Variants in HAO1 observed in about 807,000 individuals in gnomAD.
HAO1 encodes 2-Hydroxyacid oxidase 1.
In HAO1, 34 loss-of-function variants were observed where a neutral mutation model predicts 39.7. The observed-to-expected ratio is 0.86, with a 90% CI of 0.65 to 1.14. The LOEUF (loss-of-function observed/expected upper bound fraction) is 1.14. Among genes scored for constraint, HAO1 ranks in the 50% most tolerant of loss-of-function variants. HAO1 has a pLI of 0.00. For synonymous variants in HAO1, 172 were observed against 173.2 expected (o/e 0.99, Z 0.05); for missense variants, 479 against 464.5 (o/e 1.03, Z -0.29).
At chr20:7,909,293 C>T (rs752655138) in intron 3 of HAO1, among the ~76,000 whole-genome samples, 3 of 148,710 alleles carry the variant, frequency 2.0e-5, no homozygotes, top group Non-Finnish European at 3.0e-5. Context: ...CAGAGACCCA[C>T]GATGGAGTGT....
In HAO1 at chr20:7,920,239, C is replaced by T. The variant is rs544550812; in HGVS notation, c.290-5820G>A. ...TCACTTCACACACAGGATCTCTTAC[C>T]TGCCACCATGTAAGACATACCTGCT... is the stretch of plus-strand genomic sequence containing the variant. On this transcript the variant is annotated intron_variant, in intron 2 of 7. Transcript: ENST00000378789. Among the ~76,000 whole-genome samples the T allele has an allele frequency of 6.6e-5, 10 of 152,178 alleles. No individual in the cohort carries two copies. The South Asian group carries it at 1.2e-3, about 19-fold the overall frequency.
In HAO1 at chr20:7,928,742, G is replaced by A. The variant is rs58912881; in HGVS notation, c.289+5742C>T. The stretch of plus-strand genomic sequence containing the variant: ...TGCCACAGAAATAAAACTAGTTCTC[G>A]GTAAATTTCCACATAAATCAGATGT... On this transcript the variant is annotated intron_variant, in intron 2 of 7. Transcript: ENST00000378789. Among the ~76,000 whole-genome samples the A allele has an allele frequency of 1.0e-2, 1,517 of 152,084 alleles. 25 individuals carry two copies. The highest frequency in any genetic ancestry group is 0.033 in the African/African-American group (1,360 of 41,480).
rs55856286 is a variant in HAO1 at position 7,883,434 on chromosome 20, G to A, written c.*159C>T. 1.6e-6 allele frequency: 1 copy of A among 621,292 alleles called. No homozygotes were observed. Among genetic ancestry groups the A allele is most frequent in the Non-Finnish European group, 2.9e-6 (1 of 346,044 alleles). 38.5% of individuals were successfully genotyped at this position (621,292 alleles called of 1,614,324 possible). A position where few individuals can be genotyped will look rare whatever the true frequency, so the allele number is the denominator to read the frequency against. On this transcript the variant is annotated 3_prime_UTR_variant, in exon 8 of 8. Transcript: ENST00000378789. ...TAGGACACCCATTGAAAAGTCAAAA[G>A]CAATGAAATAAAAGGGATTGCTATT... is the stretch of plus-strand genomic sequence containing the variant.
chr20:7,917,908 C>T (rs1336718956), intron 2 of HAO1, among the ~76,000 whole-genome samples: 4 of 152,156 alleles, frequency 2.6e-5, no homozygotes. Flanking sequence ...AACATTTTAC[C>T]CAAATCACTT....
chr20:7,938,559 T>A (rs1261998486), intron 1 of HAO1, among the ~76,000 whole-genome samples: 1 of 152,194 alleles, frequency 6.6e-6, no homozygotes, highest in African/African-American at 2.4e-5. Flanking sequence ...CTTTTCCAGT[T>A]CATAACTTAG....
Position 7,898,208 on chromosome 20 carries a change from C to A in HAO1, c.722-2984G>T, listed in dbSNP as rs1013689654. 5.3e-5 allele frequency among the ~76,000 whole-genome samples: 8 copies of A among 152,260 alleles called. No homozygotes were observed. The South Asian group carries it at 1.5e-3, about 28-fold the overall frequency. On this transcript the variant is annotated intron_variant, in intron 4 of 7. Coordinates refer to ENST00000378789, the MANE Select transcript of HAO1 (RefSeq NM_017545.3). Reference sequence around the variant, plus strand: ...TATTGATCTTCAGTCAGTCCCCTTGCGTTTCGTCTTCACTACCCTCTCTGC... The same window carrying A: ...TATTGATCTTCAGTCAGTCCCCTTGAGTTTCGTCTTCACTACCCTCTCTGC...
chr20:7,938,064 A>T (rs1046392585), intron 1 of HAO1, among the ~76,000 whole-genome samples: 1 of 152,166 alleles, frequency 6.6e-6, no homozygotes, highest in Non-Finnish European at 1.5e-5. Context: ...TAAATTTCAT[A>T]AATGTGTTTG....
intron 5 of HAO1, among the ~76,000 whole-genome samples, chr20:7,889,967 G>GTATAGCAAGTTC (rs2050166540): frequency 1.3e-5 from 2 of 152,152 alleles, no homozygotes; most frequent in Non-Finnish European, 2.9e-5. Context: ...AAAATCTGCA[G>GTATAGCAAGTTC]TATAGCAAGT....
chr20:7,890,591 T>C (rs2050169827), intron 5 of HAO1, among the ~76,000 whole-genome samples: 1 of 152,130 alleles, frequency 6.6e-6, no homozygotes, highest in African/African-American at 2.4e-5. Context: ...CAGGTGGTAT[T>C]TGGTTATATG....
At chr20:7,934,936 A>T (rs950407351) in intron 1 of HAO1, among the ~76,000 whole-genome samples, 1 of 152,236 alleles carries the variant, frequency 6.6e-6, no homozygotes, top group African/African-American at 2.4e-5. Flanking sequence ...CAGTGGTGTA[A>T]CTGCCATGAC....
At chr20:7,926,428 A>G (rs1032193529) in intron 2 of HAO1, among the ~76,000 whole-genome samples, 2 of 152,202 alleles carry the variant, frequency 1.3e-5, no homozygotes, top group Admixed American at 6.6e-5. Context: ...TTTTCCTAGT[A>G]GGTATGCTGA....
intron 4 of HAO1, among the ~76,000 whole-genome samples, chr20:7,898,795 C>G (rs781672960): frequency 8.5e-5 from 13 of 152,062 alleles, no homozygotes; most frequent in Non-Finnish European, 1.6e-4. Flanking sequence ...ATGAGCTTAC[C>G]TGTCCTAATA....
intron 2 of HAO1, among the ~76,000 whole-genome samples, chr20:7,926,750 G>A: frequency 6.6e-6 from 1 of 152,090 alleles, no homozygotes; most frequent in Non-Finnish European, 1.5e-5. Context: ...ACTTTGGAAT[G>A]TTCTGGCCTT....
intron 2 of HAO1, among the ~76,000 whole-genome samples, chr20:7,922,693 A>AT (rs1181956169): frequency 6.6e-6 from 1 of 152,104 alleles, no homozygotes; most frequent in East Asian, 1.9e-4. Flanking sequence ...ACAAATTTCC[A>AT]TGGGGGGAGC....
intron 5 of HAO1, among the ~76,000 whole-genome samples, chr20:7,886,136 T>C (rs1243400482): frequency 3.3e-5 from 5 of 152,138 alleles, no homozygotes; most frequent in African/African-American, 9.7e-5. Flanking sequence ...AAGATTGTCA[T>C]CAAAAAATTA....
chr20:7,930,764 G>A (rs2050382015), intron 2 of HAO1, among the ~76,000 whole-genome samples: 1 of 152,128 alleles, frequency 6.6e-6, no homozygotes, highest in Non-Finnish European at 1.5e-5. Context: ...ATTAGCTAGG[G>A]AACCCTCTCT....
intron 2 of HAO1, among the ~76,000 whole-genome samples, chr20:7,922,452 C>T (rs896999745): frequency 6.6e-6 from 1 of 152,146 alleles, no homozygotes; most frequent in East Asian, 1.9e-4. Context: ...TCCTCTTTTC[C>T]CTTGCAAATA....
intron 3 of HAO1, among the ~76,000 whole-genome samples, chr20:7,913,163 G>GTTTTTT (rs1315695112): frequency 8.6e-6 from 1 of 116,608 alleles, no homozygotes. Flanking sequence ...GCTAGCCCTA[G>GTTTTTT]TTTTTTGTTT....
intron 3 of HAO1, among the ~76,000 whole-genome samples, chr20:7,909,379 G>GATA (rs1290809869): frequency 9.2e-6 from 1 of 108,240 alleles, no homozygotes; most frequent in African/African-American, 4.4e-5. Flanking sequence ...ATATATATAT[G>GATA]TATATATATA....
Sources: gnomAD v4.1 joint callset for allele counts (sites outside exome capture counted in the v4.1 genomes callset) on GRCh38, gnomAD v4.1.1 for gene constraint, MANE v1.5 for transcripts, NCBI Gene and HGNC (gene_info 2026-07-23, HGNC 2026-07-21) for gene names.